Variants in GALNT14 observed in about 807,000 individuals in gnomAD.
The protein encoded by GALNT14 is polypeptide N-acetylgalactosaminyltransferase 14.
GALNT14 carries 60 observed loss-of-function variants against 77.5 expected under a neutral mutation model. The ratio of observed to expected loss-of-function variants is 0.77; its 90% confidence interval spans 0.63 to 0.96. The LOEUF is 0.96. GALNT14 is among the 40% of genes least tolerant of loss of function. GALNT14 has a pLI of 0.00. For synonymous variants in GALNT14, 280 were observed against 281.7 expected (o/e 0.99, Z 0.06); for missense variants, 710 against 731.0 (o/e 0.97, Z 0.33).
Position 30,955,724 on chromosome 2 carries a change from C to T in GALNT14, c.548G>A (p.Arg183Gln), listed in dbSNP as rs528751269. The T allele has an allele frequency of 2.2e-5, 35 of 1,614,122 alleles. No individual in the cohort carries two copies. In the East Asian group the frequency reaches 5.6e-4, roughly 26 times the overall value. ...NNERQGLVRS[R>Q]IRGADIAQGT... is the part of the protein sequence containing the mutation. Reference sequence around the variant, plus strand: ...CTGGGCGATGTCAGCGCCCCGAATCCGGGACCGGACCAGACCTGCAGTCAG... The same window carrying T: ...CTGGGCGATGTCAGCGCCCCGAATCTGGGACCGGACCAGACCTGCAGTCAG... Residue 183 changes from arginine to glutamine, a missense_variant, in exon 6 of 15, where the codon CGG becomes CAG. Transcript: ENST00000349752.
rs770666294 is a variant in GALNT14 at position 30,941,623 on chromosome 2, T to C, written c.931+578A>G. ...ATGACCAGATCCAACCATCTGTTTG[T>C]ACAGTTTTGGGTCCTATAACCCAGC... On this transcript the variant is annotated intron_variant, in intron 9 of 14. Transcript: ENST00000349752. 2.4e-4 allele frequency among the ~76,000 whole-genome samples: 36 copies of C among 152,322 alleles called. No individual in the cohort carries two copies. In the Middle Eastern group the frequency reaches 0.014, roughly 58 times the overall value.
chr2:30,978,781 A>G (rs79282907), intron 2 of GALNT14, among the ~76,000 whole-genome samples: 3,488 of 152,294 alleles, frequency 0.023, 145 homozygotes, highest in East Asian at 0.21. Flanking sequence ...TGCTAGGCTC[A>G]GGAGATGCAA....
At position 30,911,023 on chromosome 2, in the gene GALNT14, C is replaced by T. The variant is rs764008117; in HGVS notation, c.1537G>A (p.Ala513Thr). Reference protein sequence around the residue: ...TKTGSHIEHIASHLCLDTDMF... With the variant: ...TKTGSHIEHITSHLCLDTDMF... ...TCTGTATCGAGGCAGAGGTGGGATG[C>T]TATGTGCTCGATGTGGGAACCAGTT... The change falls in exon 15 of 15, where the codon GCA becomes ACA. Residue 513 changes from alanine to threonine, a missense_variant. Ala to Thr is a moderately conservative substitution (Grantham distance 58). Coordinates refer to ENST00000349752, the MANE Select transcript of GALNT14 (RefSeq NM_024572.4). 2 of 1,613,896 alleles carry T rather than the reference C, an allele frequency of 1.2e-6. No individual in the cohort carries two copies. Among genetic ancestry groups the T allele is most frequent in the African/African-American group, 1.3e-5 (1 of 74,968 alleles).
At position 31,138,149 on chromosome 2, in the gene GALNT14, G is replaced by T; in HGVS notation, c.-63C>A. 1 of 1,609,802 alleles carries T rather than the reference G, an allele frequency of 6.2e-7. No individual in the cohort carries two copies. Among genetic ancestry groups the T allele is most frequent in the Middle Eastern group, 1.7e-4 (1 of 6,040 alleles). ...CCGGGGGCACCCCCCGGCGGTCAGG[G>T]TTGGCGGGGCAGGAGTCCTGGCGAG... On this transcript the variant is annotated 5_prime_UTR_variant, in exon 1 of 15. Coordinates refer to ENST00000349752, the MANE Select transcript of GALNT14 (RefSeq NM_024572.4).
chr2:31,093,195 A>G (rs1418140872), intron 1 of GALNT14, among the ~76,000 whole-genome samples: 1 of 152,216 alleles, frequency 6.6e-6, no homozygotes, highest in Non-Finnish European at 1.5e-5. Flanking sequence ...CTAGGAAAGA[A>G]GCATAAAGCA....
In GALNT14 at chr2:31,138,378, CGCCGCCACCGCGGCT is replaced by C. The variant is rs1208329462; in HGVS notation, c.-307_-293del. 2.0e-5 allele frequency: 8 copies of C among 398,690 alleles called. No individual in the cohort carries two copies. Among genetic ancestry groups the C allele is most frequent in the Non-Finnish European group, 2.7e-5 (6 of 225,498 alleles). 24.7% of individuals were successfully genotyped at this position (398,690 alleles called of 1,614,324 possible). A position where few individuals can be genotyped will look rare whatever the true frequency, so the allele number is the denominator to read the frequency against. On this transcript the variant is annotated 5_prime_UTR_variant, in exon 1 of 15. Coordinates refer to ENST00000349752, the MANE Select transcript of GALNT14 (RefSeq NM_024572.4). The stretch of plus-strand genomic sequence containing the variant: ...GCGGTGGCTGCCGAGATGTTCCCCA[CGCCGCCACCGCGGCT>C]GCCGCCGCCGCCGCCGCCGCCTTGC...
rs10562223 is a variant in GALNT14 at position 31,027,886 on chromosome 2, C to CTGTG, written c.130-34883_130-34880dup. On this transcript the variant is annotated intron_variant, in intron 1 of 14. Transcript: ENST00000349752. Reference sequence around the variant, plus strand: ...TACTCTAAGAGGGCCCAGATGTATTCTGTGTGTGTGTGTGTGTGTGTGTGT... The same window carrying CTGTG: ...TACTCTAAGAGGGCCCAGATGTATTCTGTGTGTGTGTGTGTGTGTGTGTGTGTGT... Among the ~76,000 whole-genome samples, 677 of 141,864 alleles carry CTGTG rather than the reference C, an allele frequency of 4.8e-3. 10 individuals are homozygous for CTGTG. Among genetic ancestry groups the CTGTG allele is most frequent in the African/African-American group, 0.014 (547 of 38,484 alleles). 93.1% of individuals were successfully genotyped at this position (141,864 alleles called of 152,430 possible).
chr2:31,004,022 T>C (rs111367700), intron 1 of GALNT14, among the ~76,000 whole-genome samples: 19 of 152,298 alleles, frequency 1.2e-4, no homozygotes, highest in African/African-American at 4.3e-4. Flanking sequence ...AAAACTCCCT[T>C]ATGTCGATGG....
At chr2:31,057,098 G>A (rs563466017) in intron 1 of GALNT14, among the ~76,000 whole-genome samples, 107 of 151,990 alleles carry the variant, frequency 7.0e-4, no homozygotes, top group African/African-American at 2.6e-3. Context: ...TGGATACAAA[G>A]ACAGCAACAA....
chr2:30,947,344 C>G (rs1666760552), intron 6 of GALNT14, among the ~76,000 whole-genome samples: 1 of 152,220 alleles, frequency 6.6e-6, no homozygotes. Context: ...CTCTAGCTTT[C>G]CAGCCTCATT....
chr2:31,045,255 C>T (rs1234530268), intron 1 of GALNT14, among the ~76,000 whole-genome samples: 1 of 152,096 alleles, frequency 6.6e-6, no homozygotes, highest in African/African-American at 2.4e-5. Context: ...ATCAAGAGAC[C>T]AGCTGAGGTT....
chr2:31,135,850 C>A (rs1679207909), intron 1 of GALNT14, among the ~76,000 whole-genome samples: 1 of 152,202 alleles, frequency 6.6e-6, no homozygotes, highest in African/African-American at 2.4e-5. Context: ...AGCACAGAGC[C>A]TGGCATACAG....
chr2:31,117,956 G>A (rs1400153519), intron 1 of GALNT14, among the ~76,000 whole-genome samples: 2 of 152,170 alleles, frequency 1.3e-5, no homozygotes, highest in Non-Finnish European at 2.9e-5. Context: ...ATCGTGCATG[G>A]GAGGTTTTAT....
chr2:30,988,392 A>T (rs1669452873), intron 2 of GALNT14, among the ~76,000 whole-genome samples: 1 of 151,922 alleles, frequency 6.6e-6, no homozygotes. Context: ...GCCAGGAGTG[A>T]CCCCACAGTA....
chr2:31,088,179 C>T (rs566533323), intron 1 of GALNT14, among the ~76,000 whole-genome samples: 1 of 152,294 alleles, frequency 6.6e-6, no homozygotes, highest in African/African-American at 2.4e-5. Context: ...GCAGAGGCCA[C>T]TGGAGTGGGA....
rs150080402 is a variant in GALNT14 at position 30,983,813 on chromosome 2, G to GCACACA, written c.299+9019_299+9024dup. Among the ~76,000 whole-genome samples the GCACACA allele has an allele frequency of 0.014, 788 of 54,932 alleles. 17 individuals carry two copies. In the South Asian group the frequency reaches 0.15, roughly 11 times the overall value. The allele number at this position is 54,932 out of a possible 152,430, so 36.0% of individuals were successfully genotyped here. A position where few individuals can be genotyped will look rare whatever the true frequency, so the allele number is the denominator to read the frequency against. ...CACACACACACACACACACACGTAT[G>GCACACA]CACACACACACACACTTTCTCTAAC... On this transcript the variant is annotated intron_variant, in intron 2 of 14. Coordinates refer to ENST00000349752, the MANE Select transcript of GALNT14 (RefSeq NM_024572.4).
Position 31,035,516 on chromosome 2 carries a change from C to T in GALNT14, c.130-42509G>A, listed in dbSNP as rs368594918. Among the ~76,000 whole-genome samples, 192 of 149,820 alleles carry T rather than the reference C, an allele frequency of 1.3e-3. 1 individual carries two copies. The highest frequency in any genetic ancestry group is 4.5e-3 in the African/African-American group (184 of 40,704). On this transcript the variant is annotated intron_variant, in intron 1 of 14. Transcript: ENST00000349752. ...TCTCCCAATAGCAAAGACATGGAATCAATCAATTCCCATCAATGGTAGACT... is the reference window on the plus strand; with the variant it reads ...TCTCCCAATAGCAAAGACATGGAATTAATCAATTCCCATCAATGGTAGACT...
intron 1 of GALNT14, among the ~76,000 whole-genome samples, chr2:31,073,809 A>G (rs988624388): frequency 6.6e-6 from 1 of 152,184 alleles, no homozygotes; most frequent in Non-Finnish European, 1.5e-5. Context: ...TTAAAATATC[A>G]TTAGCCTCTG....
chr2:31,083,750 G>C (rs1676271742), intron 1 of GALNT14, among the ~76,000 whole-genome samples: 1 of 152,210 alleles, frequency 6.6e-6, no homozygotes, highest in African/African-American at 2.4e-5. Context: ...ACGAAGCCAT[G>C]GTTCAGTGGG....
Sources: gnomAD v4.1 joint callset for allele counts (sites outside exome capture counted in the v4.1 genomes callset) on GRCh38, gnomAD v4.1.1 for gene constraint, MANE v1.5 for transcripts, NCBI Gene and HGNC (gene_info 2026-07-23, HGNC 2026-07-21) for gene names.